Variants in ST6GALNAC5 observed in about 807,000 individuals in gnomAD.
ST6GALNAC5 encodes alpha-N-acetylgalactosaminide alpha-2,6-sialyltransferase 5.
ST6GALNAC5 carries 27 observed loss-of-function variants against 33.6 expected under a neutral mutation model. The ratio of observed to expected loss-of-function variants is 0.80; its 90% CI spans 0.59 to 1.11. The LOEUF (loss-of-function observed/expected upper bound fraction) is 1.11, where lower values mean the gene tolerates loss of function less well. Among genes scored for constraint, ST6GALNAC5 ranks in the 50% least tolerant of loss-of-function variants. The pLI, the probability that ST6GALNAC5 is intolerant of heterozygous loss-of-function variation, is 0.00. For synonymous variants in ST6GALNAC5, 194 were observed against 171.2 expected (o/e 1.13, Z -1.04); for missense variants, 428 against 454.0 (o/e 0.94, Z 0.52).
At chr1:76,877,736 G>A (rs1364462987) in intron 2 of ST6GALNAC5, among the ~76,000 whole-genome samples, 5 of 152,250 alleles carry the variant, frequency 3.3e-5, no homozygotes, top group Non-Finnish European at 7.3e-5. Flanking sequence ...GGACCAGTGT[G>A]ATATCTTGTG....
At chr1:76,917,879 T>A (rs2100292288) in intron 2 of ST6GALNAC5, among the ~76,000 whole-genome samples, 1 of 152,168 alleles carries the variant, frequency 6.6e-6, no homozygotes, top group East Asian at 1.9e-4. Flanking sequence ...AGCTCAACAG[T>A]CAGTAGTAGG....
At chr1:77,057,873 A>T (rs1210438813) in intron 4 of ST6GALNAC5, among the ~76,000 whole-genome samples, 2 of 152,072 alleles carry the variant, frequency 1.3e-5, no homozygotes, top group Non-Finnish European at 2.9e-5. Flanking sequence ...TCAGTTGTAA[A>T]ACTTAGCTTT....
intron 2 of ST6GALNAC5, among the ~76,000 whole-genome samples, chr1:76,893,527 A>T (rs1322732930): frequency 6.6e-6 from 1 of 152,210 alleles, no homozygotes; most frequent in Non-Finnish European, 1.5e-5. Context: ...TATCCACGTC[A>T]TTGGAATTAT....
chr1:76,983,307 A>G (rs1649336042), intron 2 of ST6GALNAC5, among the ~76,000 whole-genome samples: 1 of 152,178 alleles, frequency 6.6e-6, no homozygotes, highest in South Asian at 2.1e-4. Flanking sequence ...AAATAAAGGG[A>G]TGGAGGAAGA....
chr1:77,032,291 A>C (rs780269792), intron 2 of ST6GALNAC5, among the ~76,000 whole-genome samples: 8 of 152,156 alleles, frequency 5.3e-5, no homozygotes, highest in Non-Finnish European at 1.0e-4. Flanking sequence ...TCCTAATTAA[A>C]AGTGCATTTT....
At chr1:77,020,144 T>C (rs556647479) in intron 2 of ST6GALNAC5, among the ~76,000 whole-genome samples, 1 of 152,296 alleles carries the variant, frequency 6.6e-6, no homozygotes, top group East Asian at 1.9e-4. Context: ...GAGCTGTAAA[T>C]TGGGCATGCT....
intron 2 of ST6GALNAC5, among the ~76,000 whole-genome samples, chr1:76,947,662 C>T (rs1215916296): frequency 6.6e-6 from 1 of 152,078 alleles, no homozygotes; most frequent in Non-Finnish European, 1.5e-5. Context: ...GGGAGGATTG[C>T]TTGAGCCCAG....
intron 2 of ST6GALNAC5, among the ~76,000 whole-genome samples, chr1:76,896,322 A>G (rs1431992645): frequency 6.6e-6 from 1 of 152,210 alleles, no homozygotes; most frequent in African/African-American, 2.4e-5. Context: ...GGTTGGGGTA[A>G]ATCCTCGAGC....
chr1:77,050,404 T>A (rs1425499403), intron 4 of ST6GALNAC5, 39 bp downstream of exon 4: 1 of 1,572,850 alleles, frequency 6.4e-7, no homozygotes, highest in Middle Eastern at 1.7e-4. Flanking sequence ...TCAGCCGTGT[T>A]GTGCAGGATT....
chr1:76,981,925 C>T (rs943078147), intron 2 of ST6GALNAC5, among the ~76,000 whole-genome samples: 15 of 152,132 alleles, frequency 9.9e-5, no homozygotes, highest in African/African-American at 3.6e-4. Flanking sequence ...GAGACCTGAC[C>T]GTTAGAAGGA....
intron 2 of ST6GALNAC5, among the ~76,000 whole-genome samples, chr1:77,017,970 T>C (rs572700053): frequency 6.6e-6 from 1 of 152,260 alleles, no homozygotes; most frequent in Non-Finnish European, 1.5e-5. Context: ...AAAGATTCAA[T>C]TCACAGTCCA....
chr1:77,032,094 G>A (rs368544322), intron 2 of ST6GALNAC5, among the ~76,000 whole-genome samples: 146 of 152,230 alleles, frequency 9.6e-4, no homozygotes, highest in African/African-American at 3.2e-3. Context: ...ATAACTCTGC[G>A]AGGTCAGTAT....
chr1:76,993,319 T>G (rs745401264), intron 2 of ST6GALNAC5, among the ~76,000 whole-genome samples: 2 of 152,210 alleles, frequency 1.3e-5, no homozygotes, highest in Non-Finnish European at 2.9e-5. Flanking sequence ...TGTAGTTTTC[T>G]TTGTCATCCT....
intron 2 of ST6GALNAC5, among the ~76,000 whole-genome samples, chr1:76,974,132 G>A (rs1476587867): frequency 6.6e-6 from 1 of 150,376 alleles, no homozygotes; most frequent in African/African-American, 2.4e-5. Context: ...AGTGAAGATT[G>A]ACATCTTTTT....
chr1:76,946,655 G>A (rs539335789), intron 2 of ST6GALNAC5, among the ~76,000 whole-genome samples: 5 of 151,942 alleles, frequency 3.3e-5, no homozygotes, highest in Non-Finnish European at 7.4e-5. Context: ...AGTCCAGAGT[G>A]GTCTGTACAT....
At chr1:76,940,780 T>G (rs1647314578) in intron 2 of ST6GALNAC5, among the ~76,000 whole-genome samples, 1 of 152,076 alleles carries the variant, frequency 6.6e-6, no homozygotes, top group Admixed American at 6.6e-5. Flanking sequence ...GCCTTTCTCT[T>G]TCATGGCAAG....
chr1:76,960,328 G>C (rs1206979738), intron 2 of ST6GALNAC5, among the ~76,000 whole-genome samples: 3 of 152,106 alleles, frequency 2.0e-5, no homozygotes, highest in Non-Finnish European at 4.4e-5. Flanking sequence ...TTTTCAAAAG[G>C]GGAGGGAGTG....
chr1:77,014,623 C>G (rs927208239), intron 2 of ST6GALNAC5, among the ~76,000 whole-genome samples: 1 of 152,094 alleles, frequency 6.6e-6, no homozygotes, highest in Non-Finnish European at 1.5e-5. Flanking sequence ...TCAGTAGAGC[C>G]CCACTGGTAG....
At chr1:77,042,031 T>C (rs1028839604) in intron 2 of ST6GALNAC5, among the ~76,000 whole-genome samples, 2 of 152,344 alleles carry the variant, frequency 1.3e-5, no homozygotes, top group Admixed American at 1.3e-4. Flanking sequence ...GTCAGGTTTC[T>C]TGGGTTCAAA....
Sources: allele counts gnomAD v4.1 joint callset (sites outside exome capture counted in the v4.1 genomes callset), GRCh38; gene constraint gnomAD v4.1.1; transcripts MANE v1.5; gene names NCBI Gene and HGNC (gene_info 2026-07-23, HGNC 2026-07-21).